Variants in ORC4 observed in about 807,000 individuals in gnomAD.
ORC4 encodes origin recognition complex, subunit 4 homolog.
In ORC4, 55 loss-of-function variants were observed where a neutral mutation model predicts 63.9. The ratio of observed to expected loss-of-function variants is 0.86; its 90% confidence interval spans 0.69 to 1.08. The LOEUF is 1.08. Ranked by LOEUF, ORC4 falls within the 50% of genes least tolerant of loss-of-function variation. ORC4 has a pLI of 0.00. For missense variants in ORC4, 511 were observed against 504.4 expected (o/e 1.01, Z -0.13); for synonymous variants, 150 against 168.5 (o/e 0.89, Z 0.85).
Position 147,948,076 on chromosome 2 carries a change from G to C in ORC4, c.737C>G (p.Ala246Gly). 1.9e-6 allele frequency: 3 copies of C among 1,611,594 alleles called. No homozygotes were observed. The highest frequency in any genetic ancestry group is 2.5e-6 in the Non-Finnish European group (3 of 1,178,138). Residue 246 changes from alanine to glycine, a missense_variant, in exon 9 of 14, where the codon GCT becomes GGT. Physicochemically the swap from Ala to Gly is moderately conservative, Grantham distance 60. Coordinates refer to ENST00000392857, the MANE Select transcript of ORC4 (RefSeq NM_181741.4). ...CTGAACATTTTCATTCCACTTCTCA[G>C]CAAAAACCTTGTCTGGAAACTCTGC... ...LPAEFPDKVF[A>G]EKWNENVQYL...
chr2:148,007,346 T>G (rs1427322431), intron 1 of ORC4, among the ~76,000 whole-genome samples: 1 of 152,078 alleles, frequency 6.6e-6, no homozygotes, highest in African/African-American at 2.4e-5. Flanking sequence ...TCAATTTAAT[T>G]CAAGATAAAA....
chr2:147,964,953 A>G (rs1284802594), intron 4 of ORC4, among the ~76,000 whole-genome samples: 1 of 152,184 alleles, frequency 6.6e-6, no homozygotes, highest in African/African-American at 2.4e-5. Context: ...AGCTAAGAAT[A>G]TAATACCCAG....
In ORC4 at chr2:147,935,685, A is replaced by G. The variant is rs780860667; in HGVS notation, c.1136T>C (p.Leu379Ser). The G allele has an allele frequency of 1.1e-5, 17 of 1,612,204 alleles. No individual in the cohort carries two copies. In the Admixed American group the frequency reaches 1.2e-4, roughly 11 times the overall value. Residue 379 changes from leucine (L) to serine (S), a missense_variant, in exon 14 of 14, where the codon TTG becomes TCG. Leu to Ser is a moderately radical substitution (Grantham distance 145). Transcript: ENST00000392857. ...KPVVMKAFEHLQQLELIKPME... is the reference protein window; with the variant it reads ...KPVVMKAFEHSQQLELIKPME... Reference sequence around the variant, plus strand: ...GGGCTTTATTAATTCTAATTGCTGCAAGTGTTCAAAAGCCTGAAAGATGAA... The same window carrying G: ...GGGCTTTATTAATTCTAATTGCTGCGAGTGTTCAAAAGCCTGAAAGATGAA...
chr2:147,989,119 G>A (rs1691410459), intron 1 of ORC4, among the ~76,000 whole-genome samples: 1 of 152,196 alleles, frequency 6.6e-6, no homozygotes, highest in Admixed American at 6.5e-5. Context: ...CAACCAAGGA[G>A]CATAAATTCA....
At position 147,970,833 on chromosome 2, in the gene ORC4, T is replaced by A. The variant is rs1436496486; in HGVS notation, c.225+1906A>T. 2.0e-5 allele frequency among the ~76,000 whole-genome samples: 3 copies of A among 152,062 alleles called. No homozygotes were observed. In the East Asian group the frequency reaches 5.8e-4, roughly 29 times the overall value. The stretch of plus-strand genomic sequence containing the variant: ...TGATAGAAAAAACTGACAAATTAGA[T>A]TATTAAGATCAAAGACTTCAGTTGG... On this transcript the variant is annotated intron_variant, in intron 4 of 13. Coordinates refer to ENST00000392857, the MANE Select transcript of ORC4 (RefSeq NM_181741.4).
At chr2:148,018,831 G>T (rs1287618421) in intron 1 of ORC4, among the ~76,000 whole-genome samples, 2 of 152,190 alleles carry the variant, frequency 1.3e-5, no homozygotes, top group African/African-American at 4.8e-5. Flanking sequence ...CCACTGAAAA[G>T]AATTGAGGAA....
chr2:147,959,193 T>C (rs1689436710), intron 4 of ORC4, among the ~76,000 whole-genome samples: 1 of 152,002 alleles, frequency 6.6e-6, no homozygotes, highest in Admixed American at 6.6e-5. Flanking sequence ...ACTTCATGTC[T>C]CAGTTAGTAC....
intron 9 of ORC4, chr2:147,947,733 TA>T (rs1439462379): frequency 6.5e-6 from 1 of 154,806 alleles, no homozygotes; most frequent in Non-Finnish European, 1.4e-5. Flanking sequence ...GCTAAATATG[TA>T]AAATATATAA....
chr2:148,006,740 A>C (rs1692662415), intron 1 of ORC4, among the ~76,000 whole-genome samples: 1 of 152,214 alleles, frequency 6.6e-6, no homozygotes, highest in African/African-American at 2.4e-5. Context: ...TGCTAACTAA[A>C]GTGGCCTTTG....
In ORC4 at chr2:147,931,892, G is replaced by T. The variant is rs1488014838; in HGVS notation, c.*3618C>A. 1 of 151,356 alleles carries T rather than the reference G, an allele frequency of 6.6e-6. No homozygotes were observed. The highest frequency in any genetic ancestry group is 1.5e-5 in the Non-Finnish European group (1 of 67,808). 9.4% of individuals were successfully genotyped at this position (151,356 alleles called of 1,614,324 possible). A position where few individuals can be genotyped will look rare whatever the true frequency, so the allele number is the denominator to read the frequency against. The stretch of plus-strand genomic sequence containing the variant: ...ACTGGAAGCATTCCCTTTGAAAACT[G>T]GCACAAGACAGGGATGCCCTCTCTC... On this transcript the variant is annotated 3_prime_UTR_variant, in exon 14 of 14. Transcript: ENST00000392857.
At chr2:148,021,280 A>G, upstream of ORC4, 1 of 356,744 alleles carries the variant, frequency 2.8e-6, no homozygotes, top group Admixed American at 3.6e-5. Flanking sequence ...GAGCCCTGAG[A>G]GGGGGATTGA....
At chr2:147,967,415 C>A (rs1303721245) in intron 4 of ORC4, among the ~76,000 whole-genome samples, 1 of 151,282 alleles carries the variant, frequency 6.6e-6, no homozygotes, top group Admixed American at 6.6e-5. Flanking sequence ...GAGACTCTAC[C>A]AAAAAACTCT....
intron 4 of ORC4, among the ~76,000 whole-genome samples, chr2:147,969,231 CT>C (rs1412119961): frequency 6.6e-6 from 1 of 151,860 alleles, no homozygotes; most frequent in African/African-American, 2.4e-5. Context: ...TTTTCTGTAA[CT>C]ATAGGATGAC....
intron 9 of ORC4, among the ~76,000 whole-genome samples, chr2:147,944,519 A>G (rs1031104502): frequency 6.6e-6 from 1 of 152,180 alleles, no homozygotes; most frequent in East Asian, 1.9e-4. Flanking sequence ...TTGAGAAAGT[A>G]CCATCTAAAG....
intron 1 of ORC4, among the ~76,000 whole-genome samples, chr2:147,992,619 A>C (rs1385091429): frequency 1.3e-5 from 2 of 152,222 alleles, no homozygotes; most frequent in African/African-American, 4.8e-5. Flanking sequence ...AAGAATAATG[A>C]ATAGAATACT....
intron 1 of ORC4, among the ~76,000 whole-genome samples, chr2:147,986,107 T>C (rs1258939214): frequency 2.6e-5 from 4 of 152,070 alleles, no homozygotes; most frequent in Admixed American, 6.5e-5. Context: ...TACACATCTT[T>C]ATTTTTAAGA....
At chr2:147,962,510 G>A (rs1364242406) in intron 4 of ORC4, among the ~76,000 whole-genome samples, 1 of 152,076 alleles carries the variant, frequency 6.6e-6, no homozygotes, top group Non-Finnish European at 1.5e-5. Flanking sequence ...CACATAGGTG[G>A]CTGAACACAC....
intron 1 of ORC4, among the ~76,000 whole-genome samples, chr2:147,997,954 T>G (rs1431531154): frequency 2.0e-5 from 3 of 152,182 alleles, no homozygotes; most frequent in Non-Finnish European, 4.4e-5. Flanking sequence ...TCACCAGATA[T>G]TGCAGCAGTG....
At position 147,948,047 on chromosome 2, in the gene ORC4, A is replaced by C; in HGVS notation, c.762+4T>G. The stretch of plus-strand genomic sequence containing the variant: ...ACATTTAGCTTTATTGCCTTTTAAG[A>C]TACCTGAACATTTTCATTCCACTTC... On this transcript the variant is annotated splice_donor_region_variant and intron_variant, in intron 9 of 13. Coordinates refer to ENST00000392857, the MANE Select transcript of ORC4 (RefSeq NM_181741.4). 1 of 1,607,830 alleles carries C rather than the reference A, an allele frequency of 6.2e-7. No homozygotes were observed. The highest frequency in any genetic ancestry group is 8.5e-7 in the Non-Finnish European group (1 of 1,174,688).
Sources: gnomAD v4.1 joint callset for allele counts (sites outside exome capture counted in the v4.1 genomes callset) on GRCh38, gnomAD v4.1.1 for gene constraint, MANE v1.5 for transcripts, NCBI Gene and HGNC (gene_info 2026-07-23, HGNC 2026-07-21) for gene names.